The following AIFM3 variants were observed in gnomAD, a reference collection of about 807,000 sequenced individuals.
The protein encoded by AIFM3 is apoptosis-inducing factor 3.
A neutral mutation model predicts 82.7 loss-of-function variants in AIFM3; 71 were observed. That is an observed-to-expected ratio of 0.86 (90% CI 0.71 to 1.05). AIFM3 has a LOEUF of 1.05. AIFM3 is among the 50% of genes least tolerant of loss of function. The pLI, the probability that AIFM3 is intolerant of heterozygous loss-of-function variation, is 0.00. For missense variants in AIFM3, 748 were observed against 816.7 expected (o/e 0.92, Z 1.03); for synonymous variants, 337 against 329.1 (o/e 1.02, Z -0.26).
chr22:20,976,503 G>T lies in AIFM3; in HGVS notation c.995G>T (p.Gly332Val). The part of the protein sequence containing the change: ...DANRVVRLAR[G>V]RNVVVVGAGF... ...AATCGCGTGGTGAGGCTGGCCCGAG[G>T]CCGCAACGTGGTCGTCGTGGGAGCC... Residue 332 changes from glycine to valine, a missense_variant, in exon 11 of 21, where the codon GGC becomes GTC. By Grantham distance (109) the Gly-to-Val change is moderately radical. This residue lies in a region of AIFM3 where 393 missense variants were observed against 481.1 expected (regional missense o/e 0.82). Coordinates refer to ENST00000440238, the MANE Select transcript of AIFM3 (RefSeq NM_001386814.1). 6.2e-7 allele frequency: 1 copy of T among 1,613,826 alleles called. No individual in the cohort carries two copies. The highest frequency in any genetic ancestry group is 1.1e-5 in the South Asian group (1 of 91,088).
intron 2 of AIFM3, 91 bp downstream of exon 2, chr22:20,968,066 G>T (rs1923028992): frequency 4.4e-6 from 6 of 1,367,212 alleles, no homozygotes; most frequent in Admixed American, 2.1e-5. Flanking sequence ...CACTCGGTAG[G>T]CCTCCGAAGT....
At chr22:20,970,437 C>T (rs373863335) in intron 2 of AIFM3, among the ~76,000 whole-genome samples, 3 of 152,058 alleles carry the variant, frequency 2.0e-5, no homozygotes, top group Non-Finnish European at 2.9e-5. Flanking sequence ...TGCACCACCA[C>T]GACTGGCAAT....
chr22:20,976,627 C>T (rs1923689486), intron 11 of AIFM3, 24 bp from the exon 12 acceptor site: 5 of 1,611,254 alleles, frequency 3.1e-6, no homozygotes, highest in Non-Finnish European at 4.2e-6. Context: ...AGGTGCCAGC[C>T]TGCCACCCCC....
chr22:20,967,950 C>T lies in AIFM3; in HGVS notation c.6C>T (p.Gly2=), dbSNP rs148333657. 1.3e-3 allele frequency: 2,106 copies of T among 1,614,112 alleles called. 17 individuals carry two copies. In the African/African-American group the frequency reaches 0.022, roughly 17 times the overall value. M[G]GCFSKPKPVE... ...CCATCCTCAGGCCACTCGCCATGGG[C>T]GGCTGCTTCTCCAAACCCAAACCAG... Residue 2 remains glycine (G), a synonymous_variant, in exon 2 of 21, where the codon GGC becomes GGT. Transcript: ENST00000440238.
intron 9 of AIFM3, 26 bp downstream of exon 9, chr22:20,975,804 GC>G: frequency 1.2e-6 from 2 of 1,607,304 alleles, no homozygotes; most frequent in Non-Finnish European, 1.7e-6. Flanking sequence ...TGGGAAACAG[GC>G]CCGAGGAGGG....
At chr22:20,974,450 A>G in intron 6 of AIFM3, 75 bp from the exon 7 acceptor site, 2 of 1,564,600 alleles carry the variant, frequency 1.3e-6, no homozygotes, top group South Asian at 2.3e-5. Flanking sequence ...GCTGGGCTGG[A>G]GCGCCAGGAC....
intron 5 of AIFM3, 32 bp downstream of exon 5, chr22:20,974,204 T>C: frequency 6.3e-7 from 1 of 1,598,964 alleles, no homozygotes; most frequent in Non-Finnish European, 8.5e-7. Flanking sequence ...GGTGGGAACC[T>C]GGGGGTGTGG....
In AIFM3 at chr22:20,977,918, G is replaced by C. The variant is rs781643045; in HGVS notation, c.1390G>C (p.Ala464Pro). 6.2e-7 allele frequency: 1 copy of C among 1,614,194 alleles called. No individual in the cohort carries two copies. The highest frequency in any genetic ancestry group is 2.2e-5 in the East Asian group (1 of 44,888). Residue 464 changes from alanine (A) to proline (P), a missense_variant, in exon 16 of 21, where the codon GCA (alanine) becomes CCA (proline). Physicochemically the swap from Ala to Pro is conservative, Grantham distance 27 (BLOSUM62 -1). Around this residue, in one of 5 missense-constraint regions of AIFM3, gnomAD observed 393 missense variants for 481.1 expected, o/e 0.82. Transcript: ENST00000440238. The part of the protein sequence containing the change: ...MMQTNVPGVF[A>P]AGDAVTFPLA... ...GCAGACCAATGTCCCAGGCGTGTTT[G>C]CAGCTGGCGATGCTGTCACCTTCCC...
intron 19 of AIFM3, chr22:20,980,471 C>A (rs1924024749): frequency 8.3e-6 from 5 of 599,186 alleles, no homozygotes; most frequent in Non-Finnish European, 8.9e-6. Context: ...GGAAATGCAG[C>A]TACTGATGCC....
Position 20,977,035 on chromosome 22 carries a change from A to G in AIFM3, c.1222A>G (p.Lys408Glu), listed in dbSNP as rs146611400. 8.7e-6 allele frequency: 14 copies of G among 1,613,958 alleles called. No homozygotes were observed. In the African/African-American group the frequency reaches 1.7e-4, roughly 20 times the overall value. ...TTTATCCACCCACTCCCCACAGCTG[A>G]AGGAGGTTGTGCTGAAGAGCAGCAA... ...SELRGQEGKLKEVVLKSSKVV... is the reference protein window; with the variant it reads ...SELRGQEGKLEEVVLKSSKVV... The change falls in exon 14 of 21, where the codon AAG becomes GAG. Residue 408 changes from lysine to glutamate, a missense_variant. This residue lies in a region of AIFM3 where 393 missense variants were observed against 481.1 expected (regional missense o/e 0.82). Coordinates refer to ENST00000440238, the MANE Select transcript of AIFM3 (RefSeq NM_001386814.1).
chr22:20,968,439 G>A (rs573203051), intron 2 of AIFM3, among the ~76,000 whole-genome samples: 3 of 152,264 alleles, frequency 2.0e-5, no homozygotes, highest in South Asian at 4.1e-4. Context: ...CTGTGAGGGT[G>A]TAGTGGGCAG....
Position 20,974,799 on chromosome 22 carries a change from C to G in AIFM3, c.703C>G (p.Arg235Gly), listed in dbSNP as rs553803201. The part of the protein sequence containing the change: ...CTLDRHLPYD[R>G]PKLSKSLDTQ... ...GCTAGACCGGCACCTTCCCTACGAC[C>G]GTCCCAAGCTCAGCAAGGTACAGGG... The change falls in exon 8 of 21, where the codon CGT (arginine) becomes GGT (glycine). Residue 235 changes from arginine to glycine, a missense_variant. By Grantham distance (125) the Arg-to-Gly change is moderately radical. Transcript: ENST00000440238. 3 of 1,612,488 alleles carry G rather than the reference C, an allele frequency of 1.9e-6. No homozygotes were observed. Among genetic ancestry groups the G allele is most frequent in the South Asian group, 1.1e-5 (1 of 91,018 alleles).
At chr22:20,973,594 G>A in intron 3 of AIFM3, 74 bp downstream of exon 3, 3 of 1,431,232 alleles carry the variant, frequency 2.1e-6, no homozygotes, top group Middle Eastern at 2.4e-4. Flanking sequence ...ATAGCCGGGG[G>A]TCGGGGTTGG....
At chr22:20,980,679 G>T in intron 19 of AIFM3, 68 bp from the exon 20 acceptor site, 3 of 1,606,480 alleles carry the variant, frequency 1.9e-6, no homozygotes, top group Non-Finnish European at 2.6e-6. Flanking sequence ...AGGACCAGAA[G>T]GGGACATGAT....
intron 9 of AIFM3, 61 bp from the exon 10 acceptor site, chr22:20,976,154 G>A (rs1923636364): frequency 6.4e-7 from 1 of 1,555,950 alleles, no homozygotes; most frequent in Non-Finnish European, 8.8e-7. Flanking sequence ...CAGGACCGGG[G>A]AGTGGGCGGC....
At chr22:20,973,705 C>T in intron 3 of AIFM3, 53 bp from the exon 4 acceptor site, 1 of 1,473,338 alleles carries the variant, frequency 6.8e-7, no homozygotes, top group Non-Finnish European at 9.1e-7. Context: ...GAGGAGCTGC[C>T]AGGAGGTTGT....
intron 8 of AIFM3, 137 bp from the exon 9 acceptor site, chr22:20,975,555 T>A (rs1449991107): frequency 2.1e-5 from 16 of 764,186 alleles, no homozygotes; most frequent in Non-Finnish European, 3.4e-5. Context: ...CAGGCATGAG[T>A]CACTGCGCCT....
chr22:20,977,243 G>T, intron 14 of AIFM3, 148 bp downstream of exon 14: 1 of 1,118,252 alleles, frequency 8.9e-7, no homozygotes, highest in Non-Finnish European at 1.3e-6. Flanking sequence ...CCCACTTTAC[G>T]GAGCTGTTGG....
intron 4 of AIFM3, 82 bp from the exon 5 acceptor site, chr22:20,973,981 G>A: frequency 6.7e-7 from 1 of 1,498,946 alleles, no homozygotes. Flanking sequence ...GCTGTGGGGA[G>A]GGGCCCGCAG....
Sources: gnomAD v4.1 joint callset for allele counts (sites outside exome capture counted in the v4.1 genomes callset) on GRCh38, gnomAD v4.1.1 for gene constraint, gnomAD v4.1.1 regional missense constraint, MANE v1.5 for transcripts, NCBI Gene and HGNC (gene_info 2026-07-23, HGNC 2026-07-21) for gene names.